Variants in AHDC1 observed in about 807,000 individuals in gnomAD.
AHDC1 encodes AT-hook DNA binding motif containing 1, also known as transcription factor Gibbin.
AHDC1 carries 7 observed loss-of-function variants against 87.9 expected under a neutral mutation model. The observed-to-expected ratio is 0.08, with a 90% CI of 0.05 to 0.15. The LOEUF (loss-of-function observed/expected upper bound fraction) is 0.15. AHDC1 is among the 10% of genes least tolerant of loss of function. AHDC1 has a pLI of 1.00. For missense variants in AHDC1, 1,841 were observed against 2,253.2 expected (o/e 0.82, Z 3.70); for synonymous variants, 1,051 against 1,006.8 (o/e 1.04, Z -0.83).
intron 3 of AHDC1, among the ~76,000 whole-genome samples, chr1:27,570,212 CG>C (rs1399608695): frequency 6.6e-6 from 1 of 151,784 alleles, no homozygotes; most frequent in Non-Finnish European, 1.5e-5. Context: ...GCTGCCCTGC[CG>C]GGATCAGATA....
chr1:27,547,359 A>G lies in AHDC1; in HGVS notation c.4757T>C (p.Leu1586Pro). The G allele has an allele frequency of 6.4e-7, 1 of 1,555,136 alleles. No individual in the cohort carries two copies. The highest frequency in any genetic ancestry group is 1.2e-5 in the South Asian group (1 of 82,344). The change falls in exon 8 of 9, where the codon CTG becomes CCG. Residue 1586 changes from leucine (L) to proline (P), a missense_variant. Physicochemically the swap from Leu to Pro is moderately conservative, Grantham distance 98. Coordinates refer to ENST00000673934, the MANE Select transcript of AHDC1 (RefSeq NM_001371928.1). This position sits in a 1 kb window ranked among gnomAD's most constrained non-coding sequence, Gnocchi z 4.9. ...GGGGTGAGGTTCCGCCATGGGCCCC[A>G]GGAAGCCGCTCTTGGGGCCCCCACC... ...GLGGGPKSGF[L>P]GPMAEPHPED... is the part of the protein sequence containing the mutation.
Position 27,551,065 on chromosome 1 carries a change from G to T in AHDC1, c.1051C>A (p.Gln351Lys). Residue 351 changes from glutamine (Q) to lysine (K), a missense_variant, in exon 8 of 9, where the codon CAG becomes AAG. By Grantham distance (53) the Gln-to-Lys change is moderately conservative. Around this residue, in one of 13 missense-constraint regions of AHDC1, gnomAD observed 370 missense variants for 391.5 expected, o/e 0.95. Coordinates refer to ENST00000673934, the MANE Select transcript of AHDC1 (RefSeq NM_001371928.1). ...LDVPGRRLEP[Q>K]QPLGHCPLAE... ...AGTGGGCAGTGCCCCAGGGGCTGCT[G>T]GGGCTCCAGACGGCGACCTGGGACG... 1.3e-6 allele frequency: 2 copies of T among 1,560,756 alleles called. No homozygotes were observed. Among genetic ancestry groups the T allele is most frequent in the East Asian group, 2.3e-5 (1 of 43,630 alleles).
intron 8 of AHDC1, among the ~76,000 whole-genome samples, chr1:27,540,409 A>AAC (rs2018850576): frequency 6.6e-6 from 1 of 151,746 alleles, no homozygotes; most frequent in African/African-American, 2.4e-5. Flanking sequence ...AAAAAAAAAA[A>AAC]ACAAAAAAAC....
At position 27,551,513 on chromosome 1, in the gene AHDC1, C is replaced by T. The variant is rs1335262328; in HGVS notation, c.603G>A (p.Glu201=). ...ERPSHPLYEP[E]PEPRDSPQPG... ...GCTGGGGACTGTCCCTAGGCTCAGGCTCAGGCTCGTAGAGGGGATGGCTGG... is the reference window on the plus strand; with the variant it reads ...GCTGGGGACTGTCCCTAGGCTCAGGTTCAGGCTCGTAGAGGGGATGGCTGG... Residue 201 remains glutamate (E), a synonymous_variant, in exon 8 of 9, where the codon GAG becomes GAA. Coordinates refer to ENST00000673934, the MANE Select transcript of AHDC1 (RefSeq NM_001371928.1). 1.2e-6 allele frequency: 2 copies of T among 1,604,278 alleles called. No individual in the cohort carries two copies. The highest frequency in any genetic ancestry group is 1.3e-5 in the African/African-American group (1 of 74,806).
rs2019512191 is a variant in AHDC1, at chr1:27,550,911, C to A, written c.1205G>T (p.Gly402Val). The change falls in exon 8 of 9, where the codon GGA becomes GTA. Residue 402 changes from glycine (G) to valine (V), a missense_variant. By Grantham distance (109) the Gly-to-Val change is moderately radical. Transcript: ENST00000673934. ...ILCRRRKAGR[G>V]RKADAGPEGR... Reference sequence around the variant, plus strand: ...CTCGGGTCCGGCGTCTGCCTTGCGTCCCCGTCCGGCTTTCCGCCGGCGACA... The same window carrying A: ...CTCGGGTCCGGCGTCTGCCTTGCGTACCCGTCCGGCTTTCCGCCGGCGACA... The A allele has an allele frequency of 6.3e-7, 1 of 1,596,776 alleles. No individual in the cohort carries two copies.
At chr1:27,584,884 C>T (rs1294174108) in intron 3 of AHDC1, among the ~76,000 whole-genome samples, 1 of 152,004 alleles carries the variant, frequency 6.6e-6, no homozygotes, top group East Asian at 1.9e-4. Flanking sequence ...ATCAAGGGGG[C>T]AGGACAGGAC....
rs576104805 is a variant in AHDC1 at position 27,546,191 on chromosome 1, C to T, written c.*43+1070G>A. Among the ~76,000 whole-genome samples, 8 of 152,350 alleles carry T rather than the reference C, an allele frequency of 5.3e-5. No homozygotes were observed. In the South Asian group the frequency reaches 1.5e-3, roughly 28 times the overall value. ...CAGTCTGCCCCATCACCAACCACCA[C>T]ATCTGGGCCAATTTTGTGACAGATC... is the stretch of plus-strand genomic sequence containing the variant. On this transcript the variant is annotated intron_variant, in intron 8 of 8. Coordinates refer to ENST00000673934, the MANE Select transcript of AHDC1 (RefSeq NM_001371928.1).
chr1:27,550,919 G>T lies in AHDC1; in HGVS notation c.1197C>A (p.Ala399=). The change falls in exon 8 of 9, where the codon GCC becomes GCA. Residue 399 remains alanine (A), a synonymous_variant. Transcript: ENST00000673934. ...CGGCGTCTGCCTTGCGTCCCCGTCC[G>T]GCTTTCCGCCGGCGACACAGGATCT... is the stretch of plus-strand genomic sequence containing the variant. ...RPKILCRRRK[A]GRGRKADAGP... 6.3e-7 allele frequency: 1 copy of T among 1,598,148 alleles called. No homozygotes were observed. Among genetic ancestry groups the T allele is most frequent in the Non-Finnish European group, 8.5e-7 (1 of 1,177,752 alleles).
Position 27,552,146 on chromosome 1 carries a change from G to A in AHDC1, c.-31C>T, listed in dbSNP as rs899805367. On this transcript the variant is annotated 5_prime_UTR_variant, in exon 8 of 9. Transcript: ENST00000673934. ...CCTTGTCCTCCGCAGGCCGCCGGGC[G>A]GGGCCGGGGCTGACATGAGGGTGCG... The A allele has an allele frequency of 3.5e-6, 5 of 1,437,336 alleles. No homozygotes were observed. Among genetic ancestry groups the A allele is most frequent in the Admixed American group, 2.9e-5 (1 of 34,878 alleles). The allele number at this position is 1,437,336 out of a possible 1,614,324, so 89.0% of individuals were successfully genotyped here.
At chr1:27,541,572 G>A (rs1220953898) in intron 8 of AHDC1, among the ~76,000 whole-genome samples, 3 of 151,150 alleles carry the variant, frequency 2.0e-5, no homozygotes, top group African/African-American at 7.3e-5. Flanking sequence ...GCCCGCCTCG[G>A]CCTCTGAAAG....
In AHDC1 at chr1:27,563,481, T is replaced by C. The variant is rs1221371800; in HGVS notation, c.-628-4598A>G. 6.6e-6 allele frequency among the ~76,000 whole-genome samples: 1 copy of C among 152,198 alleles called. No homozygotes were observed. Among genetic ancestry groups the C allele is most frequent in the Non-Finnish European group, 1.5e-5 (1 of 68,028 alleles). ...CTGCCTGGGAATCCTCCCTGCAGACTGTGGGATGGGTACACAACATGTCAC... is the reference window on the plus strand; with the variant it reads ...CTGCCTGGGAATCCTCCCTGCAGACCGTGGGATGGGTACACAACATGTCAC... On this transcript the variant is annotated intron_variant, in intron 3 of 8. Transcript: ENST00000673934. This position sits in a 1 kb window ranked among gnomAD's most constrained non-coding sequence, Gnocchi z 6.1.
At chr1:27,554,773 G>A (rs1203230406) in intron 5 of AHDC1, among the ~76,000 whole-genome samples, 1 of 152,184 alleles carries the variant, frequency 6.6e-6, no homozygotes, top group Non-Finnish European at 1.5e-5. Context: ...CACCCCACAG[G>A]AAGACTGCAG....
chr1:27,589,790 C>T (rs1290525655), intron 3 of AHDC1, among the ~76,000 whole-genome samples: 3 of 152,148 alleles, frequency 2.0e-5, no homozygotes, highest in Non-Finnish European at 4.4e-5. Flanking sequence ...AAATCACGCT[C>T]CCATAATGGG....
At chr1:27,575,496 CTAGGGTCGGGCGCCAGGCGCCCCT>C (rs1418665674) in intron 3 of AHDC1, among the ~76,000 whole-genome samples, 7 of 152,174 alleles carry the variant, frequency 4.6e-5, no homozygotes, top group South Asian at 2.1e-4. Context: ...GAGGCGCCCC[CTAGGGTCGGGCGCCAGGCGCCCCT>C]GCCCGAGCTG....
chr1:27,583,706 C>T (rs181482814), intron 3 of AHDC1, among the ~76,000 whole-genome samples: 178 of 152,258 alleles, frequency 1.2e-3, no homozygotes, highest in African/African-American at 4.2e-3. Context: ...ACTGCAGCTC[C>T]ACCCTCTCCC....
intron 3 of AHDC1, among the ~76,000 whole-genome samples, chr1:27,588,933 AG>A (rs2148464421): frequency 6.6e-6 from 1 of 152,158 alleles, no homozygotes; most frequent in South Asian, 2.1e-4. Flanking sequence ...GAACACATGA[AG>A]GAAGGGTGAG....
chr1:27,602,395 G>A (rs558669531), intron 3 of AHDC1, among the ~76,000 whole-genome samples: 1 of 152,164 alleles, frequency 6.6e-6, no homozygotes, highest in Non-Finnish European at 1.5e-5. Flanking sequence ...AGGCTGGGGG[G>A]TCAGGCTGCT....
At chr1:27,569,748 C>G (rs2020485624) in intron 3 of AHDC1, among the ~76,000 whole-genome samples, 1 of 152,112 alleles carries the variant, frequency 6.6e-6, no homozygotes, top group Admixed American at 6.5e-5. Flanking sequence ...CTCCCCTGAC[C>G]CCCGGATGAC....
chr1:27,545,684 T>C (rs1263290656), intron 8 of AHDC1, among the ~76,000 whole-genome samples: 1 of 150,102 alleles, frequency 6.7e-6, no homozygotes, highest in Non-Finnish European at 1.5e-5. Flanking sequence ...ATGAGACGCA[T>C]GGGGAATGGA....
Sources: gnomAD v4.1 joint callset for allele counts (sites outside exome capture counted in the v4.1 genomes callset) on GRCh38, gnomAD v4.1.1 for gene constraint, gnomAD v4.1.1 regional missense constraint, Gnocchi (gnomAD v3.1) non-coding constraint, MANE v1.5 for transcripts, NCBI Gene and HGNC (gene_info 2026-07-23, HGNC 2026-07-21) for gene names.